Variants in PALM2AKAP2 observed in about 807,000 individuals in gnomAD.
The protein encoded by PALM2AKAP2 is PALM2-AKAP2 fusion protein.
PALM2AKAP2 carries 37 observed loss-of-function variants against 71.5 expected under a neutral mutation model. That is an observed-to-expected ratio of 0.52 (90% CI 0.40 to 0.68). The LOEUF (loss-of-function observed/expected upper bound fraction) is 0.68. Ranked by LOEUF, PALM2AKAP2 falls within the 30% of genes least tolerant of loss-of-function variation. The probability of loss-of-function intolerance (pLI) is 0.00; values close to 1 mark genes in which losing one functional copy is unlikely to be tolerated. For missense variants in PALM2AKAP2, 1,224 were observed against 1,191.8 expected (o/e 1.03, Z -0.40); for synonymous variants, 468 against 478.8 (o/e 0.98, Z 0.29).
intron 1 of PALM2AKAP2, among the ~76,000 whole-genome samples, chr9:109,649,258 C>A (rs1336838770): frequency 6.6e-6 from 1 of 151,678 alleles, no homozygotes; most frequent in Admixed American, 6.6e-5. Context: ...ATTGAAGAAT[C>A]TATTTGTTCT....
chr9:109,763,980 G>T (rs1223355869), intron 1 of PALM2AKAP2, among the ~76,000 whole-genome samples: 1 of 152,164 alleles, frequency 6.6e-6, no homozygotes, highest in African/African-American at 2.4e-5. Context: ...CTTCTGCAAA[G>T]ACTCTAAGTG....
At chr9:110,156,373 T>G in exon 3 of PALM2AKAP2, 1 of 1,611,124 alleles carries the variant, frequency 6.2e-7, no homozygotes, top group Non-Finnish European at 8.5e-7. Flanking sequence ...GGCCCCAGCT[T>G]GCAGCCTGAC....
At chr9:109,729,948 T>C (rs1828529702) in intron 1 of PALM2AKAP2, among the ~76,000 whole-genome samples, 2 of 152,246 alleles carry the variant, frequency 1.3e-5, no homozygotes, top group South Asian at 4.1e-4. Context: ...TGATTGCTCA[T>C]TGCTGAGTTC....
rs114020870 is a variant in PALM2AKAP2, at chr9:109,767,685, G to A, written c.6-12803G>A. Among the ~76,000 whole-genome samples, 772 of 152,226 alleles carry A rather than the reference G, an allele frequency of 5.1e-3. 7 individuals are homozygous for A. Among genetic ancestry groups the A allele is most frequent in the African/African-American group, 0.018 (738 of 41,548 alleles). On this transcript the variant is annotated intron_variant, in intron 1 of 6. Transcript: ENST00000374531. ...ATGACTCCATCGCTGGCTTCATTCG[G>A]GGCTGTCTGATTGTCACTTCCTCCT...
chr9:109,832,825 C>T (rs573057858), intron 1 of PALM2AKAP2, among the ~76,000 whole-genome samples: 2 of 152,292 alleles, frequency 1.3e-5, no homozygotes, highest in Admixed American at 6.5e-5. Context: ...AAATGCAAAT[C>T]TCTGAGCCCC....
intron 1 of PALM2AKAP2, among the ~76,000 whole-genome samples, chr9:109,698,191 A>T (rs949728381): frequency 2.0e-5 from 3 of 152,180 alleles, no homozygotes; most frequent in Admixed American, 6.5e-5. Flanking sequence ...TATATTTCAT[A>T]CATCTCTCAC....
intron 1 of PALM2AKAP2, among the ~76,000 whole-genome samples, chr9:110,071,622 C>A (rs1056442242): frequency 3.3e-5 from 5 of 152,140 alleles, no homozygotes; most frequent in African/African-American, 9.7e-5. Context: ...CAATGAAGAT[C>A]AATTATTTTT....
intron 1 of PALM2AKAP2, among the ~76,000 whole-genome samples, chr9:109,690,098 G>T (rs970120891): frequency 7.2e-5 from 11 of 152,046 alleles, no homozygotes; most frequent in African/African-American, 2.7e-4. Context: ...GAGGGGATCA[G>T]TGGGTCAGCA....
chr9:109,916,569 C>T (rs1554726262), intron 3 of PALM2AKAP2, among the ~76,000 whole-genome samples: 1 of 152,240 alleles, frequency 6.6e-6, no homozygotes, highest in Non-Finnish European at 1.5e-5. Context: ...TATGCTGGGC[C>T]TTGGCCCATG....
At chr9:109,723,155 A>G (rs1002051833) in intron 1 of PALM2AKAP2, among the ~76,000 whole-genome samples, 4 of 152,210 alleles carry the variant, frequency 2.6e-5, no homozygotes, top group African/African-American at 9.6e-5. Flanking sequence ...AGGGAAGGAA[A>G]ATAAATGGGG....
chr9:109,728,931 G>T (rs1345896278), intron 1 of PALM2AKAP2, among the ~76,000 whole-genome samples: 3 of 152,136 alleles, frequency 2.0e-5, no homozygotes, highest in Non-Finnish European at 2.9e-5. Context: ...TTTGCACAGA[G>T]AACTTTTTGA....
At chr9:109,969,463 C>T (rs1024471835) in intron 6 of PALM2AKAP2, among the ~76,000 whole-genome samples, 11 of 152,222 alleles carry the variant, frequency 7.2e-5, no homozygotes, top group Non-Finnish European at 1.3e-4. Flanking sequence ...ACTTTGTTTT[C>T]TTTAAATCAA....
intron 1 of PALM2AKAP2, among the ~76,000 whole-genome samples, chr9:110,128,281 A>G (rs978663945): frequency 1.3e-5 from 2 of 152,194 alleles, no homozygotes; most frequent in African/African-American, 4.8e-5. Context: ...TTTAGGAAGA[A>G]CCTCTCTAAA....
intron 1 of PALM2AKAP2, among the ~76,000 whole-genome samples, chr9:109,653,128 C>T (rs1173481107): frequency 2.0e-5 from 3 of 152,180 alleles, no homozygotes; most frequent in Non-Finnish European, 4.4e-5. Context: ...ATGACTAATG[C>T]TGCCTCCGTG....
At chr9:109,792,839 T>G (rs1186373511) in intron 1 of PALM2AKAP2, among the ~76,000 whole-genome samples, 1 of 152,196 alleles carries the variant, frequency 6.6e-6, no homozygotes, top group Non-Finnish European at 1.5e-5. Flanking sequence ...TGCCCAGTGA[T>G]TCCATGGGGA....
rs1169178652 is a variant in PALM2AKAP2 at position 109,880,564 on chromosome 9, G to A, written c.140G>A (p.Arg47Gln). The change falls in exon 3 of 10, where the codon CGG becomes CAG. Residue 47 changes from arginine (R) to glutamine (Q), a missense_variant. Coordinates refer to the PALM2AKAP2 transcript ENST00000302798. ...TCACTTCCACAGTCCAAAGTGCTTC[G>A]GGAGAAATGGCTGCTGCAGGGCATA... 2 of 1,612,914 alleles carry A rather than the reference G, an allele frequency of 1.2e-6. No individual in the cohort carries two copies. The highest frequency in any genetic ancestry group is 1.7e-6 in the Non-Finnish European group (2 of 1,179,942).
chr9:109,976,925 T>G (rs565808994), intron 6 of PALM2AKAP2, among the ~76,000 whole-genome samples: 9 of 152,244 alleles, frequency 5.9e-5, no homozygotes, highest in Admixed American at 2.0e-4. Context: ...TCTTGTAGTC[T>G]GTGCAAAACC....
intron 1 of PALM2AKAP2, among the ~76,000 whole-genome samples, chr9:109,715,191 T>C (rs2118618674): frequency 6.6e-6 from 1 of 152,356 alleles, no homozygotes; most frequent in African/African-American, 2.4e-5. Context: ...ATTTTATTTA[T>C]ACAAATTCTA....
intron 6 of PALM2AKAP2, among the ~76,000 whole-genome samples, chr9:109,954,951 T>G (rs77564292): frequency 4.4e-4 from 67 of 152,288 alleles, no homozygotes; most frequent in African/African-American, 1.5e-3. Flanking sequence ...GTTGCTAACT[T>G]TAGAGGAGCC....
Sources: allele counts gnomAD v4.1 joint callset (sites outside exome capture counted in the v4.1 genomes callset), GRCh38; gene constraint gnomAD v4.1.1; transcripts MANE v1.5; gene names NCBI Gene and HGNC (gene_info 2026-07-23, HGNC 2026-07-21).